The following WWP2 variants were observed in gnomAD, a reference collection of about 807,000 sequenced individuals.
WWP2 encodes the protein NEDD4-like E3 ubiquitin-protein ligase WWP2.
A neutral mutation model predicts 121.0 loss-of-function variants in WWP2; 57 were observed. The observed-to-expected ratio is 0.47, with a 90% CI of 0.38 to 0.59. WWP2 has a LOEUF of 0.59. WWP2 is among the 20% of genes least tolerant of loss of function. The probability of loss-of-function intolerance (pLI) is 0.00; values close to 1 mark genes in which losing one functional copy is unlikely to be tolerated. For missense variants in WWP2, 962 were observed against 1,158.9 expected, an observed-to-expected ratio of 0.83 and a Z score of 2.47; for synonymous variants, 449 against 441.3, an observed-to-expected ratio of 1.02 and a Z score of -0.22.
Position 69,787,071 on chromosome 16 carries a change from A to T in WWP2, c.61A>T (p.Thr21Ser). Residue 21 changes from threonine to serine, a missense_variant, in exon 2 of 24, where the codon ACT becomes TCT. Physicochemically the swap from Thr to Ser is moderately conservative, Grantham distance 58. Coordinates refer to ENST00000359154, the MANE Select transcript of WWP2 (RefSeq NM_001270454.2). The part of the protein sequence containing the change: ...VALPFEKSQL[T>S]LKVVSAKPKV... Reference sequence around the variant, plus strand: ...CCTGCCTTTTGAGAAGTCTCAGCTCACTTTGAAAGGTGAGTGGCACTGTAT... The same window carrying T: ...CCTGCCTTTTGAGAAGTCTCAGCTCTCTTTGAAAGGTGAGTGGCACTGTAT... 1 of 1,613,378 alleles carries T rather than the reference A, an allele frequency of 6.2e-7. No homozygotes were observed. Among genetic ancestry groups the T allele is most frequent in the Non-Finnish European group, 8.5e-7 (1 of 1,179,734 alleles).
intron 6 of WWP2, among the ~76,000 whole-genome samples, chr16:69,858,512 G>A (rs373552408): frequency 6.6e-6 from 1 of 152,138 alleles, no homozygotes; most frequent in East Asian, 1.9e-4. Context: ...AGAAGAGGGG[G>A]CGCCCTTTAT....
At chr16:69,887,619 GGATCTCGAACTCCTGACCTCAAGTGA>G (rs1478261259) in intron 7 of WWP2, among the ~76,000 whole-genome samples, 2 of 151,970 alleles carry the variant, frequency 1.3e-5, no homozygotes, top group Non-Finnish European at 2.9e-5. Flanking sequence ...TTGGCCAGGT[GGATCTCGAACTCCTGACCTCAAGTGA>G]TCCGCCTGCC....
Position 69,869,945 on chromosome 16 carries a change from A to G in WWP2, c.576-1859A>G, listed in dbSNP as rs145477977. Among the ~76,000 whole-genome samples the G allele has an allele frequency of 6.9e-3, 1,051 of 152,298 alleles. 10 individuals are homozygous for G. The highest frequency in any genetic ancestry group is 0.024 in the African/African-American group (992 of 41,558). On this transcript the variant is annotated intron_variant, in intron 6 of 23. Coordinates refer to ENST00000359154, the MANE Select transcript of WWP2 (RefSeq NM_001270454.2). ...CTCCCAATGGGGAACTTTCTATTAT[A>G]GCTCTTAATTTCACCATTGTCCAAA...
intron 1 of WWP2, among the ~76,000 whole-genome samples, chr16:69,776,975 G>A (rs572987503): frequency 6.6e-6 from 1 of 152,080 alleles, no homozygotes; most frequent in Non-Finnish European, 1.5e-5. Flanking sequence ...TAGACCAGTA[G>A]TCTCAAGCTT....
intron 2 of WWP2, among the ~76,000 whole-genome samples, chr16:69,796,431 A>G (rs1477124164): frequency 6.6e-6 from 1 of 152,224 alleles, no homozygotes; most frequent in Non-Finnish European, 1.5e-5. Flanking sequence ...AGGCAAGATC[A>G]TCTGGTGAAG....
At position 69,840,246 on chromosome 16, in the gene WWP2, G is replaced by A. The variant is rs1186436635; in HGVS notation, c.461G>A (p.Gly154Asp). 5.0e-6 allele frequency: 8 copies of A among 1,614,144 alleles called. No homozygotes were observed. The highest frequency in any genetic ancestry group is 6.8e-6 in the Non-Finnish European group (8 of 1,180,024). The change falls in exon 5 of 24, where the codon GGC becomes GAC. Residue 154 changes from glycine to aspartate, a missense_variant. Gly to Asp is a moderately conservative substitution (Grantham distance 94). Coordinates refer to ENST00000359154, the MANE Select transcript of WWP2 (RefSeq NM_001270454.2). ...PTVDLGNVPN[G>D]SALTDGSQLP... The stretch of plus-strand genomic sequence containing the variant: ...GTTGATCTGGGAAATGTGCCTAATG[G>A]CAGTGCCCTGACAGATGGTGAGTGC...
chr16:69,902,429 T>C (rs1423211591), intron 8 of WWP2, among the ~76,000 whole-genome samples: 1 of 152,180 alleles, frequency 6.6e-6, no homozygotes, highest in East Asian at 1.9e-4. Context: ...AGACTGCTTT[T>C]AAAGTACTTT....
chr16:69,848,872 G>A (rs914991569), intron 6 of WWP2, among the ~76,000 whole-genome samples: 24 of 152,264 alleles, frequency 1.6e-4, no homozygotes, highest in Non-Finnish European at 2.9e-4. Context: ...TGCATTTTAA[G>A]ATGTCTTTCC....
chr16:69,836,902 A>G (rs2056886564), intron 4 of WWP2, among the ~76,000 whole-genome samples: 1 of 152,126 alleles, frequency 6.6e-6, no homozygotes, highest in Non-Finnish European at 1.5e-5. Flanking sequence ...CTGGGATTAC[A>G]GGCATGAGCC....
intron 6 of WWP2, among the ~76,000 whole-genome samples, chr16:69,869,354 T>A (rs947748398): frequency 6.6e-5 from 10 of 152,060 alleles, no homozygotes; most frequent in African/African-American, 1.9e-4. Flanking sequence ...TTCTCCTTTT[T>A]TTTTTTTGTT....
chr16:69,881,962 G>A (rs368747971), intron 7 of WWP2, among the ~76,000 whole-genome samples: 5 of 152,296 alleles, frequency 3.3e-5, no homozygotes, highest in African/African-American at 9.6e-5. Context: ...CAAAGTGCTG[G>A]GATTATAGGG....
chr16:69,850,548 C>G (rs1397870281), intron 6 of WWP2, among the ~76,000 whole-genome samples: 1 of 152,038 alleles, frequency 6.6e-6, no homozygotes, highest in Non-Finnish European at 1.5e-5. Flanking sequence ...CTAGATATGC[C>G]TGGGAGATTT....
rs774442311 is a variant in WWP2, at chr16:69,934,141, C to A, written c.1842+12C>A. On this transcript the variant is annotated intron_variant, in intron 17 of 23. Coordinates refer to ENST00000359154, the MANE Select transcript of WWP2 (RefSeq NM_001270454.2). Reference sequence around the variant, plus strand: ...GATTCATCGCCATGGTAAGGGGGCCCCAGGGGTCTGCCTAGTTCCCTCCTC... The same window carrying A: ...GATTCATCGCCATGGTAAGGGGGCCACAGGGGTCTGCCTAGTTCCCTCCTC... The A allele has an allele frequency of 1.9e-6, 3 of 1,613,958 alleles. No homozygotes were observed. In the Admixed American group the frequency reaches 5.0e-5, roughly 27 times the overall value.
At chr16:69,787,910 A>G (rs1267703813) in intron 2 of WWP2, 2 of 152,500 alleles carry the variant, frequency 1.3e-5, no homozygotes, top group Admixed American at 6.5e-5. Context: ...GTGTCACTCA[A>G]CATTCAGCCA....
chr16:69,811,533 A>G (rs1244062465), intron 4 of WWP2, among the ~76,000 whole-genome samples: 1 of 151,610 alleles, frequency 6.6e-6, no homozygotes, highest in Non-Finnish European at 1.5e-5. Flanking sequence ...GGCCCTCTTG[A>G]GCCTAGGAGT....
At chr16:69,817,598 C>G (rs2056518026) in intron 4 of WWP2, among the ~76,000 whole-genome samples, 1 of 144,384 alleles carries the variant, frequency 6.9e-6, no homozygotes, top group Non-Finnish European at 1.5e-5. Context: ...TTTAACCAGT[C>G]TTTCATTCTT....
At chr16:69,844,745 G>T (rs1242165599) in intron 6 of WWP2, among the ~76,000 whole-genome samples, 1 of 152,192 alleles carries the variant, frequency 6.6e-6, no homozygotes, top group Non-Finnish European at 1.5e-5. Flanking sequence ...GGTACCTTCC[G>T]ATAGTGTAAG....
intron 1 of WWP2, among the ~76,000 whole-genome samples, chr16:69,780,853 C>T (rs964576854): frequency 1.3e-5 from 2 of 151,952 alleles, no homozygotes; most frequent in African/African-American, 4.8e-5. Flanking sequence ...AAAATAAATA[C>T]ATAAATTAAT....
intron 6 of WWP2, among the ~76,000 whole-genome samples, chr16:69,853,206 G>A (rs985520876): frequency 2.0e-5 from 3 of 152,218 alleles, no homozygotes; most frequent in Non-Finnish European, 2.9e-5. Flanking sequence ...ATTTTGAGCA[G>A]AAAAGGATTT....
Sources: allele counts gnomAD v4.1 joint callset (sites outside exome capture counted in the v4.1 genomes callset), GRCh38; gene constraint gnomAD v4.1.1; transcripts MANE v1.5; gene names NCBI Gene and HGNC (gene_info 2026-07-23, HGNC 2026-07-21).